Variants in SMS observed in about 807,000 individuals in gnomAD.
SMS encodes the protein spermine synthase.
Under a neutral mutation model 33.0 loss-of-function variants are expected in SMS, and 3 were observed. The ratio of observed to expected loss-of-function variants is 0.09; its 90% CI spans 0.04 to 0.23. The LOEUF (loss-of-function observed/expected upper bound fraction) is 0.23. Among genes scored for constraint, SMS ranks in the 10% least tolerant of loss-of-function variants. The probability of loss-of-function intolerance (pLI) is 1.00; values close to 1 mark genes in which losing one functional copy is unlikely to be tolerated. For synonymous variants in SMS, 103 were observed against 112.2 expected (o/e 0.92, Z 0.52); for missense variants, 117 against 288.6 (o/e 0.41, Z 4.31).
intron 1 of SMS, among the ~76,000 whole-genome samples, chrX:21,953,254 C>G (rs1173382032): frequency 1.9e-5 from 2 of 103,504 alleles, no homozygotes; most frequent in Non-Finnish European, 3.9e-5. Flanking sequence ...AGGACTGAGC[C>G]GTGAACAAAG....
At chrX:21,981,256 G>T (rs1304329346) in intron 7 of SMS, among the ~76,000 whole-genome samples, 1 of 109,749 alleles carries the variant, frequency 9.1e-6, no homozygotes, top group Non-Finnish European at 1.9e-5. Flanking sequence ...GGAGGTGGAG[G>T]TTGCAGTGAG....
chrX:21,991,181 CT>C (rs1297141956), intron 9 of SMS, among the ~76,000 whole-genome samples: 5 of 107,957 alleles, frequency 4.6e-5, no homozygotes, highest in African/African-American at 1.3e-4. Context: ...TTAATAGTAA[CT>C]TTTTTTTTTT....
At chrX:21,950,986 G>GT (rs575694205) in intron 1 of SMS, among the ~76,000 whole-genome samples, 101 of 111,962 alleles carry the variant, frequency 9.0e-4, no homozygotes, top group Non-Finnish European at 1.4e-3. Flanking sequence ...GGGTCAGATG[G>GT]TTTTTCCGGT....
intron 10 of SMS, among the ~76,000 whole-genome samples, chrX:21,993,416 T>A (rs1335390568): frequency 8.9e-6 from 1 of 112,441 alleles, no homozygotes; most frequent in Non-Finnish European, 1.9e-5. Context: ...TCATTGGAAA[T>A]TTGTGCCGCA....
chrX:21,944,539 A>AAAAAAAAAAAAAAAAAAAAAAAAG (rs776946474), intron 1 of SMS, among the ~76,000 whole-genome samples: 39 of 81,404 alleles, frequency 4.8e-4, no homozygotes, highest in Admixed American at 1.1e-3. Flanking sequence ...AAAAAAAAAA[A>AAAAAAAAAAAAAAAAAAAAAAAAG]AAAAAAGAAA....
intron 1 of SMS, among the ~76,000 whole-genome samples, chrX:21,962,149 G>C (rs1224005993): frequency 8.9e-6 from 1 of 111,792 alleles, no homozygotes; most frequent in South Asian, 3.7e-4. Context: ...TTATTGACAA[G>C]CAAGGGCATT....
intron 1 of SMS, among the ~76,000 whole-genome samples, chrX:21,950,213 A>G (rs1922508174): frequency 9.0e-6 from 1 of 111,208 alleles, no homozygotes; most frequent in Non-Finnish European, 1.9e-5. Flanking sequence ...GAAGTTTTAT[A>G]AATGGCTTAA....
intron 1 of SMS, among the ~76,000 whole-genome samples, chrX:21,959,464 C>T (rs901091742): frequency 1.2e-4 from 13 of 111,501 alleles, no homozygotes; most frequent in Non-Finnish European, 1.9e-4. Flanking sequence ...AGGGATGCCG[C>T]GCTCTTTGTC....
At chrX:21,955,335 A>G (rs183822785) in intron 1 of SMS, among the ~76,000 whole-genome samples, 1 of 112,278 alleles carries the variant, frequency 8.9e-6, no homozygotes, top group Non-Finnish European at 1.9e-5. Flanking sequence ...GGACGGAGCT[A>G]AAGGAAACCA....
intron 1 of SMS, among the ~76,000 whole-genome samples, chrX:21,966,621 C>T (rs759415805): frequency 9.0e-6 from 1 of 111,308 alleles, no homozygotes; most frequent in East Asian, 2.8e-4. Context: ...TGTCCAGTTT[C>T]TACCATTTAG....
intron 1 of SMS, among the ~76,000 whole-genome samples, chrX:21,951,896 A>G (rs1417961896): frequency 8.9e-6 from 1 of 111,745 alleles, no homozygotes; most frequent in East Asian, 2.8e-4. Context: ...CTCATTTTAC[A>G]CTATGGGGTT....
chrX:21,948,016 T>C (rs1922354102), intron 1 of SMS, among the ~76,000 whole-genome samples: 1 of 111,819 alleles, frequency 8.9e-6, no homozygotes, highest in African/African-American at 3.3e-5. Context: ...TTAAATGCTC[T>C]TTTCCCAACT....
At chrX:21,980,598 A>G (rs916802502) in intron 7 of SMS, among the ~76,000 whole-genome samples, 10 of 109,272 alleles carry the variant, frequency 9.2e-5, no homozygotes, top group Non-Finnish European at 1.3e-4. Flanking sequence ...AGAAAAATAG[A>G]AAATATAATA....
In SMS at chrX:21,956,938, T is replaced by C. The variant is rs1923011547; in HGVS notation, c.50-10258T>C. Among the ~76,000 whole-genome samples, 4 of 111,833 alleles carry C rather than the reference T, an allele frequency of 3.6e-5. No homozygotes were observed. In the South Asian group the frequency reaches 1.5e-3, roughly 41 times the overall value. On this transcript the variant is annotated intron_variant, in intron 1 of 10. Transcript: ENST00000404933. ...GGCCTGAGATTGGCTGCAGGCACTT[T>C]AGTGTTAGGAAAGCTGTGTGGGAGC...
At chrX:21,980,599 A>G (rs1924873907) in intron 7 of SMS, among the ~76,000 whole-genome samples, 1 of 109,228 alleles carries the variant, frequency 9.2e-6, no homozygotes. Context: ...GAAAAATAGA[A>G]AATATAATAG....
At chrX:21,943,656 A>C (rs1348926212) in intron 1 of SMS, among the ~76,000 whole-genome samples, 1 of 110,875 alleles carries the variant, frequency 9.0e-6, no homozygotes, top group South Asian at 3.9e-4. Context: ...GAATGTGTGT[A>C]TGTATGCATC....
chrX:21,951,268 C>A (rs543794674), intron 1 of SMS, among the ~76,000 whole-genome samples: 2 of 112,215 alleles, frequency 1.8e-5, no homozygotes, highest in Non-Finnish European at 1.9e-5. Context: ...CTGTTCATAT[C>A]CTTCACCCAC....
In SMS at chrX:21,994,449, T is replaced by A; in HGVS notation, c.*98T>A. ...ATGAGTCAGGCAATTGATTGTGAAT[T>A]CCTTAAAGTTTTCCTTTTTTTAATA... On this transcript the variant is annotated 3_prime_UTR_variant, in exon 11 of 11. Coordinates refer to ENST00000404933, the MANE Select transcript of SMS (RefSeq NM_004595.5). The A allele has an allele frequency of 8.7e-7, 1 of 1,143,929 alleles. No individual in the cohort carries two copies. Among genetic ancestry groups the A allele is most frequent in the Admixed American group, 2.9e-5 (1 of 34,544 alleles). The allele number at this position is 1,143,929 out of a possible 1,213,427, so 94.3% of individuals were successfully genotyped here.
rs1329470853 is a variant in SMS, at chrX:21,992,506, T to C, written c.946-91T>C. The C allele has an allele frequency of 1.3e-5, 7 of 558,777 alleles. No individual in the cohort carries two copies. The Admixed American group carries it at 1.8e-4, about 14-fold the overall frequency. The allele number at this position is 558,777 out of a possible 1,213,427, so 46.0% of individuals were successfully genotyped here. A position where few individuals can be genotyped will look rare whatever the true frequency, so the allele number is the denominator to read the frequency against. ...TTAAAGATGAACTTTTATCTAAAGC[T>C]AGAATTGTTCTCCTTTATTAAAGAC... On this transcript the variant is annotated intron_variant, in intron 9 of 10. Transcript: ENST00000404933.
Sources: gnomAD v4.1 joint callset for allele counts (sites outside exome capture counted in the v4.1 genomes callset) on GRCh38, gnomAD v4.1.1 for gene constraint, MANE v1.5 for transcripts, NCBI Gene and HGNC (gene_info 2026-07-23, HGNC 2026-07-21) for gene names.